The following SGCZ variants were observed in gnomAD, a reference collection of about 807,000 sequenced individuals.
SGCZ encodes the protein zeta-sarcoglycan.
SGCZ carries 40 observed loss-of-function variants against 41.3 expected under a neutral mutation model. That is an observed-to-expected ratio of 0.97 (90% CI 0.75 to 1.26). SGCZ has a LOEUF of 1.26. Among genes scored for constraint, SGCZ ranks in the 50% most tolerant of loss-of-function variants. The pLI is 0.00. For synonymous variants in SGCZ, 206 were observed against 137.5 expected, an observed-to-expected ratio of 1.50 and a Z score of -3.49; for missense variants, 552 against 369.8, an observed-to-expected ratio of 1.49 and a Z score of -4.04.
intron 1 of SGCZ, among the ~76,000 whole-genome samples, chr8:14,935,587 T>C (rs952207617): frequency 2.2e-4 from 33 of 151,744 alleles, no homozygotes; most frequent in African/African-American, 7.0e-4. Context: ...AACAAGAGTA[T>C]TGATAAAACT....
intron 1 of SGCZ, among the ~76,000 whole-genome samples, chr8:14,574,031 C>A (rs1804636838): frequency 6.6e-6 from 1 of 152,034 alleles, no homozygotes; most frequent in African/African-American, 2.4e-5. Flanking sequence ...GCTATGGGTC[C>A]CATAGCAGCA....
intron 1 of SGCZ, among the ~76,000 whole-genome samples, chr8:14,756,988 T>G (rs1563249279): frequency 6.6e-6 from 1 of 152,122 alleles, no homozygotes; most frequent in Non-Finnish European, 1.5e-5. Context: ...TAACCACAAG[T>G]CCCAATCACG....
chr8:14,521,221 C>T (rs1352562321), intron 2 of SGCZ, among the ~76,000 whole-genome samples: 1 of 152,162 alleles, frequency 6.6e-6, no homozygotes, highest in South Asian at 2.1e-4. Context: ...ATTGCACCCA[C>T]TCCATGATCC....
intron 1 of SGCZ, among the ~76,000 whole-genome samples, chr8:14,728,986 T>A (rs1810146064): frequency 6.6e-6 from 1 of 152,148 alleles, no homozygotes; most frequent in Non-Finnish European, 1.5e-5. Context: ...TGAGTAACCT[T>A]GTTTAGTGAC....
chr8:14,881,038 T>C (rs1224116476), intron 1 of SGCZ, among the ~76,000 whole-genome samples: 1 of 152,158 alleles, frequency 6.6e-6, no homozygotes, highest in Non-Finnish European at 1.5e-5. Context: ...TCAAGTTGTA[T>C]TATTTACTAT....
intron 2 of SGCZ, among the ~76,000 whole-genome samples, chr8:14,462,038 G>C (rs1287021863): frequency 6.6e-6 from 1 of 151,912 alleles, no homozygotes; most frequent in African/African-American, 2.4e-5. Flanking sequence ...ATATACAACA[G>C]ATTTACTTCC....
At chr8:14,335,296 G>GGTCA (rs1802470939) in intron 2 of SGCZ, among the ~76,000 whole-genome samples, 1 of 151,968 alleles carries the variant, frequency 6.6e-6, no homozygotes, top group Non-Finnish European at 1.5e-5. Context: ...AAATGCAATG[G>GGTCA]GTCATCTCTC....
intron 5 of SGCZ, among the ~76,000 whole-genome samples, chr8:14,126,975 C>G (rs1417239579): frequency 1.3e-5 from 2 of 151,668 alleles, no homozygotes; most frequent in Non-Finnish European, 2.9e-5. Context: ...CTGGGGCCAT[C>G]TGGGGGGTCA....
chr8:14,327,254 C>T (rs907331496), intron 2 of SGCZ, among the ~76,000 whole-genome samples: 4 of 152,154 alleles, frequency 2.6e-5, no homozygotes, highest in African/African-American at 9.7e-5. Flanking sequence ...ACTTACAGAA[C>T]ACCCCAGGGG....
chr8:14,903,096 G>A (rs931810633), intron 1 of SGCZ, among the ~76,000 whole-genome samples: 2 of 152,064 alleles, frequency 1.3e-5, no homozygotes, highest in Admixed American at 6.6e-5. Context: ...GAGGCAGAGG[G>A]TTCTGGTTTC....
intron 2 of SGCZ, among the ~76,000 whole-genome samples, chr8:14,551,526 TATATATA>T (rs1563404517): frequency 8.4e-3 from 29 of 3,450 alleles, no homozygotes; most frequent in South Asian, 0.025. Context: ...TTATATATAA[TATATATA>T]ATATATATAA....
At chr8:15,014,235 G>T (rs1049366101) in intron 1 of SGCZ, among the ~76,000 whole-genome samples, 1 of 152,120 alleles carries the variant, frequency 6.6e-6, no homozygotes, top group African/African-American at 2.4e-5. Flanking sequence ...TGTCAAAAAA[G>T]AAATGGCTCA....
intron 1 of SGCZ, among the ~76,000 whole-genome samples, chr8:14,978,916 A>C (rs1801576382): frequency 6.6e-6 from 1 of 152,148 alleles, no homozygotes; most frequent in South Asian, 2.1e-4. Flanking sequence ...CTCCCATATT[A>C]GCCTCCTGAG....
intron 5 of SGCZ, among the ~76,000 whole-genome samples, chr8:14,113,237 T>A (rs1249459634): frequency 1.3e-5 from 2 of 152,134 alleles, no homozygotes; most frequent in East Asian, 3.9e-4. Context: ...ATTTGTGTGT[T>A]CAAACATCTT....
At chr8:14,446,426 T>G (rs1039287966) in intron 2 of SGCZ, among the ~76,000 whole-genome samples, 1 of 152,208 alleles carries the variant, frequency 6.6e-6, no homozygotes, top group Non-Finnish European at 1.5e-5. Context: ...CCACCCTGGT[T>G]GGCAACTTTG....
intron 1 of SGCZ, among the ~76,000 whole-genome samples, chr8:14,729,026 G>A (rs1007629591): frequency 6.6e-6 from 1 of 152,068 alleles, no homozygotes; most frequent in Non-Finnish European, 1.5e-5. Context: ...TTGTAATGTG[G>A]TCACTAGGAA....
chr8:14,476,777 G>C (rs947658284), intron 2 of SGCZ, among the ~76,000 whole-genome samples: 2 of 152,126 alleles, frequency 1.3e-5, no homozygotes, highest in Admixed American at 6.5e-5. Flanking sequence ...GCTGCCATAA[G>C]AACTAAAATC....
At chr8:14,305,219 C>T (rs1801312986) in intron 3 of SGCZ, among the ~76,000 whole-genome samples, 1 of 152,094 alleles carries the variant, frequency 6.6e-6, no homozygotes, top group Non-Finnish European at 1.5e-5. Flanking sequence ...ATATAACTAT[C>T]ATATGAACAA....
intron 2 of SGCZ, among the ~76,000 whole-genome samples, chr8:14,447,890 G>A (rs1156574481): frequency 6.6e-6 from 1 of 152,104 alleles, no homozygotes; most frequent in Non-Finnish European, 1.5e-5. Flanking sequence ...ATCACATTAT[G>A]AAATGCAAAT....
Sources: allele counts gnomAD v4.1 joint callset (sites outside exome capture counted in the v4.1 genomes callset), GRCh38; gene constraint gnomAD v4.1.1; transcripts MANE v1.5; gene names NCBI Gene and HGNC (gene_info 2026-07-23, HGNC 2026-07-21).